The following ASTN2 variants were observed in gnomAD, a reference collection of about 807,000 sequenced individuals.
ASTN2 encodes astrotactin 2.
Under a neutral mutation model 139.8 loss-of-function variants are expected in ASTN2, and 54 were observed. That is an observed-to-expected ratio of 0.39 (90% confidence interval 0.31 to 0.48). The LOEUF is 0.48. Ranked by LOEUF, ASTN2 falls within the 20% of genes least tolerant of loss-of-function variation. The pLI, the probability that ASTN2 is intolerant of heterozygous loss-of-function variation, is 0.95. For missense variants in ASTN2, 1,565 were observed against 1,725.1 expected (o/e 0.91, Z 1.64); for synonymous variants, 756 against 719.5 (o/e 1.05, Z -0.81).
chr9:116,883,498 T>TCA (rs1374548513), intron 10 of ASTN2, among the ~76,000 whole-genome samples: 1 of 152,028 alleles, frequency 6.6e-6, no homozygotes. Context: ...CCCTCTTTCC[T>TCA]CACACACACA....
At chr9:116,771,932 C>T (rs1829962536) in intron 13 of ASTN2, among the ~76,000 whole-genome samples, 1 of 152,244 alleles carries the variant, frequency 6.6e-6, no homozygotes, top group East Asian at 1.9e-4. Flanking sequence ...TCAGTGCCAA[C>T]ATTCCACTAC....
intron 11 of ASTN2, among the ~76,000 whole-genome samples, chr9:116,845,403 A>G (rs1179971751): frequency 6.6e-6 from 1 of 152,194 alleles, no homozygotes; most frequent in Non-Finnish European, 1.5e-5. Flanking sequence ...TTTCTTGTGG[A>G]GGCACCAAGA....
intron 16 of ASTN2, among the ~76,000 whole-genome samples, chr9:116,714,498 T>C (rs1203446782): frequency 6.6e-6 from 1 of 152,240 alleles, no homozygotes; most frequent in Non-Finnish European, 1.5e-5. Context: ...ATATGCCAGG[T>C]GCAGCAGTAA....
At chr9:117,013,393 C>T (rs2132596487) in intron 6 of ASTN2, among the ~76,000 whole-genome samples, 1 of 151,702 alleles carries the variant, frequency 6.6e-6, no homozygotes, top group East Asian at 1.9e-4. Context: ...TATAGATCTC[C>T]CCAGAGAGCA....
At chr9:116,544,926 G>A (rs1036751553) in intron 19 of ASTN2, among the ~76,000 whole-genome samples, 11 of 152,172 alleles carry the variant, frequency 7.2e-5, no homozygotes, top group African/African-American at 2.4e-4. Context: ...AGCTCATTTT[G>A]GAATCTGAGC....
At chr9:117,069,394 T>C (rs1307861903) in intron 5 of ASTN2, among the ~76,000 whole-genome samples, 1 of 111,208 alleles carries the variant, frequency 9.0e-6, no homozygotes, top group African/African-American at 3.9e-5. Context: ...TAATTTCTGT[T>C]CTTTTACATT....
intron 19 of ASTN2, among the ~76,000 whole-genome samples, chr9:116,496,028 A>G (rs1849658822): frequency 6.6e-6 from 1 of 151,700 alleles, no homozygotes; most frequent in Admixed American, 6.6e-5. Context: ...TGTATGGCTT[A>G]CTCCCTCTCC....
In ASTN2 at chr9:116,725,827, A is replaced by T; in HGVS notation, c.2750T>A (p.Ile917Asn). 1 of 1,613,988 alleles carries T rather than the reference A, an allele frequency of 6.2e-7. No individual in the cohort carries two copies. The highest frequency in any genetic ancestry group is 8.5e-7 in the Non-Finnish European group (1 of 1,180,010). The stretch of plus-strand genomic sequence containing the variant: ...GACCTTCTTGCTGGGAAAGTGGATG[A>T]TGCAGGTGAGCTCTGAGCCATAGAG... ...EALYGSELTC[I>N]IHFPSKKVQQ... Residue 917 changes from isoleucine (I) to asparagine (N), a missense_variant, in exon 16 of 23, where the codon ATC becomes AAC. By Grantham distance (149) the Ile-to-Asn change is moderately radical. Transcript: ENST00000313400.
chr9:116,563,883 G>A (rs1411322386), intron 19 of ASTN2, among the ~76,000 whole-genome samples: 6 of 152,170 alleles, frequency 3.9e-5, no homozygotes, highest in Non-Finnish European at 7.3e-5. Flanking sequence ...GCTGATACCA[G>A]TGCCTGGTAC....
intron 1 of ASTN2, among the ~76,000 whole-genome samples, chr9:117,333,897 C>T (rs1032985394): frequency 6.6e-6 from 1 of 152,140 alleles, no homozygotes; most frequent in Non-Finnish European, 1.5e-5. Context: ...TAGGCCAGGG[C>T]CTGTGTTTCA....
At chr9:116,654,666 C>G (rs1475397790) in intron 16 of ASTN2, among the ~76,000 whole-genome samples, 2 of 152,192 alleles carry the variant, frequency 1.3e-5, no homozygotes, top group African/African-American at 2.4e-5. Flanking sequence ...CAAGGTCACA[C>G]AGTGAGTCCT....
At chr9:116,628,301 C>T (rs749762317) in intron 17 of ASTN2, among the ~76,000 whole-genome samples, 2 of 152,078 alleles carry the variant, frequency 1.3e-5, no homozygotes, top group Non-Finnish European at 2.9e-5. Flanking sequence ...TAAGAGAATC[C>T]AAGGGAACTC....
chr9:116,710,746 A>G (rs1828132140), intron 16 of ASTN2, among the ~76,000 whole-genome samples: 1 of 147,794 alleles, frequency 6.8e-6, no homozygotes. Context: ...AAAAAAAAAA[A>G]AAAAAAAAAA....
At chr9:117,158,486 G>A (rs1331394442) in intron 3 of ASTN2, among the ~76,000 whole-genome samples, 2 of 152,032 alleles carry the variant, frequency 1.3e-5, no homozygotes, top group Non-Finnish European at 2.9e-5. Flanking sequence ...ATTACAGACG[G>A]ATGACTTGTC....
chr9:116,838,790 T>G (rs1028017113), intron 11 of ASTN2, among the ~76,000 whole-genome samples: 7 of 152,282 alleles, frequency 4.6e-5, no homozygotes, highest in African/African-American at 1.7e-4. Context: ...AGCCTCAGTC[T>G]CCTTCAATGG....
Position 116,699,171 on chromosome 9 carries a change from G to A in ASTN2, c.2806+26600C>T, listed in dbSNP as rs760180890. ...GCTGAGCAAACCATGGGGTATCACA[G>A]CCTTGCCATCTGGCCAGTTTGTAGT... is the stretch of plus-strand genomic sequence containing the variant. On this transcript the variant is annotated intron_variant, in intron 16 of 22. Transcript: ENST00000313400. This position sits in a 1 kb window ranked among gnomAD's most constrained non-coding sequence, Gnocchi z 4.2. 2.5e-6 allele frequency: 4 copies of A among 1,614,258 alleles called. No homozygotes were observed. The highest frequency in any genetic ancestry group is 1.7e-6 in the Non-Finnish European group (2 of 1,180,048).
intron 1 of ASTN2, among the ~76,000 whole-genome samples, chr9:117,404,029 A>T (rs1447539234): frequency 2.0e-5 from 3 of 152,134 alleles, no homozygotes; most frequent in African/African-American, 7.2e-5. Flanking sequence ...ACCTCCTTCC[A>T]AAAAAAGGAT....
rs369593338 is a variant in ASTN2 at position 117,096,064 on chromosome 9, C to T, written c.1256G>A (p.Arg419His). ...ATTACCTTTGCTGCGGCGGCGACTG[C>T]GGTACTGCTCCGTGTAGAATGTCAG... ...TQLTFYTEQYRSRRRSKGLLK... is the reference protein window; with the variant it reads ...TQLTFYTEQYHSRRRSKGLLK... The change falls in exon 5 of 23, where the codon CGC (arginine) becomes CAC (histidine). Residue 419 changes from arginine to histidine, a missense_variant. Physicochemically the swap from Arg to His is conservative, Grantham distance 29 (BLOSUM62 0). This residue lies in a region of ASTN2 where 596 missense variants were observed against 576.8 expected (regional missense o/e 1.03). Coordinates refer to ENST00000313400, the MANE Select transcript of ASTN2 (RefSeq NM_001365068.1). 1.5e-5 allele frequency: 24 copies of T among 1,613,896 alleles called. No individual in the cohort carries two copies. Among genetic ancestry groups the T allele is most frequent in the African/African-American group, 2.7e-5 (2 of 74,914 alleles).
intron 5 of ASTN2, among the ~76,000 whole-genome samples, chr9:117,053,374 C>T (rs896261211): frequency 1.3e-5 from 2 of 152,056 alleles, no homozygotes; most frequent in African/African-American, 4.8e-5. Context: ...ATCGCTTGAG[C>T]CCAGGAGTTT....
Sources: allele counts gnomAD v4.1 joint callset (sites outside exome capture counted in the v4.1 genomes callset), GRCh38; gene constraint gnomAD v4.1.1; regional missense constraint gnomAD v4.1.1; non-coding constraint Gnocchi (gnomAD v3.1); transcripts MANE v1.5; gene names NCBI Gene and HGNC (gene_info 2026-07-23, HGNC 2026-07-21).